Variants in PIGG observed in about 807,000 individuals in gnomAD.
The protein encoded by PIGG is phosphatidylinositol glycan anchor biosynthesis class G (EMM blood group), also known as GPI ethanolamine phosphate transferase 2, catalytic subunit.
In PIGG, 70 loss-of-function variants were observed where a neutral mutation model predicts 83.2. The ratio of observed to expected loss-of-function variants is 0.84; its 90% CI spans 0.69 to 1.03. PIGG has a LOEUF of 1.03. PIGG is among the 50% of genes least tolerant of loss of function. The pLI is 0.00. For synonymous variants in PIGG, 532 were observed against 519.5 expected, an observed-to-expected ratio of 1.02 and a Z score of -0.33; for missense variants, 1,257 against 1,233.6, an observed-to-expected ratio of 1.02 and a Z score of -0.28.
chr4:530,419 G>A lies in PIGG; in HGVS notation c.2262-17G>A, dbSNP rs372883011. 6.3e-7 allele frequency: 1 copy of A among 1,584,344 alleles called. No individual in the cohort carries two copies. The highest frequency in any genetic ancestry group is 8.7e-7 in the Non-Finnish European group (1 of 1,155,846). ...TCACTGGTGCTAATGAATCTAACTT[G>A]TTTTGCTCTTTTTTAGGGGTATTAT... On this transcript the variant is annotated splice_polypyrimidine_tract_variant and intron_variant, in intron 10 of 12. Transcript: ENST00000453061.
chr4:533,677 T>A, intron 11 of PIGG, 141 bp from the exon 12 acceptor site: 1 of 745,088 alleles, frequency 1.3e-6, no homozygotes, highest in Non-Finnish European at 2.2e-6. Context: ...GGCAGCCACC[T>A]CTGACCACAC....
Position 533,881 on chromosome 4 carries a change from G to A in PIGG, c.2635G>A (p.Val879Met), listed in dbSNP as rs780094078. Residue 879 changes from valine (V) to methionine (M), a missense_variant, in exon 12 of 13, where the codon GTG becomes ATG. By Grantham distance (21) the Val-to-Met change is conservative (BLOSUM62 1). Transcript: ENST00000453061. Reference sequence around the variant, plus strand: ...AGGCTTCGTGGGCTTAGACACCTACGTGGAAATCCCAGCCGTGCTCCTGAC... The same window carrying A: ...AGGCTTCGTGGGCTTAGACACCTACATGGAAATCCCAGCCGTGCTCCTGAC... ...SAGFVGLDTY[V>M]EIPAVLLTAF... 36 of 1,614,084 alleles carry A rather than the reference G, an allele frequency of 2.2e-5. 1 individual carries two copies. The South Asian group carries it at 2.6e-4, about 12-fold the overall frequency.
At chr4:534,815 C>T (rs1730029270) in intron 12 of PIGG, among the ~76,000 whole-genome samples, 1 of 152,088 alleles carries the variant, frequency 6.6e-6, no homozygotes, top group Admixed American at 6.5e-5. Flanking sequence ...GGGTGCAGCC[C>T]CCCATCCACA....
chr4:524,497 A>T (rs1386148532), intron 9 of PIGG: 1 of 152,568 alleles, frequency 6.6e-6, no homozygotes, highest in Non-Finnish European at 1.5e-5. Flanking sequence ...TGGCGAGAGC[A>T]GGAGAAAGAG....
At position 508,837 on chromosome 4, in the gene PIGG, G is replaced by A; in HGVS notation, c.768G>A (p.Glu256=). The change falls in exon 5 of 13, where the codon GAG becomes GAA. Residue 256 remains glutamate (E), a synonymous_variant. Transcript: ENST00000453061. ...IHTSLQSKER[E]TPLPNLLVLC... is the part of the protein sequence containing the mutation. ...TTTCCTTTGCCTTAAAGGAGAGAGA[G>A]ACGCCTTTACCCAATTTGCTGGTTC... 1 of 1,614,070 alleles carries A rather than the reference G, an allele frequency of 6.2e-7. No individual in the cohort carries two copies.
Position 530,661 on chromosome 4 carries a change from A to AC in PIGG, c.2487_2488insC (p.Phe830LeufsTer12). On this transcript the variant is annotated frameshift_variant, in exon 11 of 13. Transcript: ENST00000453061. LOFTEE classifies it high-confidence loss of function. ...TCTTGATTCAGACTCTAATGACTAA[A>AC]TTCATCTGGAAGCCCCTGAGACACG... 6.2e-7 allele frequency: 1 copy of AC among 1,613,800 alleles called. No homozygotes were observed. Among genetic ancestry groups the AC allele is most frequent in the African/African-American group, 1.3e-5 (1 of 75,024 alleles).
At chr4:537,956 A>C (rs893326056) in intron 12 of PIGG, among the ~76,000 whole-genome samples, 3 of 152,078 alleles carry the variant, frequency 2.0e-5, no homozygotes, top group Non-Finnish European at 4.4e-5. Flanking sequence ...CTGGGCTGAC[A>C]GGACTGAGGA....
intron 2 of PIGG, among the ~76,000 whole-genome samples, chr4:505,455 C>A (rs1719276736): frequency 2.0e-5 from 2 of 99,388 alleles, no homozygotes; most frequent in Non-Finnish European, 3.7e-5. Context: ...GACCCTGTAT[C>A]TACCAAAAAA....
At chr4:520,411 G>A (rs1241006921) in intron 6 of PIGG, among the ~76,000 whole-genome samples, 2 of 152,236 alleles carry the variant, frequency 1.3e-5, no homozygotes, top group Non-Finnish European at 2.9e-5. Flanking sequence ...AGAGGGGCAG[G>A]GCTCCATCCA....
intron 10 of PIGG, 64 bp from the exon 11 acceptor site, chr4:530,372 G>A (rs1728744627): frequency 1.7e-6 from 2 of 1,210,536 alleles, no homozygotes; most frequent in African/African-American, 1.5e-5. Context: ...GTTTTTCATG[G>A]GAAAATGTTT....
Position 539,335 on chromosome 4 carries a change from C to A in PIGG, c.2918C>A (p.Thr973Lys). ...ACAGCTGCTGTCTGTGTATTCTTCA[C>A]GGCAATGGATCAAACCAGACTCACA... is the stretch of plus-strand genomic sequence containing the variant. Reference protein sequence around the residue: ...LITAAVCVFFTAMDQTRLTQS With the variant: ...LITAAVCVFFKAMDQTRLTQS The change falls in exon 13 of 13, where the codon ACG (threonine) becomes AAG (lysine). Residue 973 changes from threonine (T) to lysine (K), a missense_variant. Coordinates refer to ENST00000453061, the MANE Select transcript of PIGG (RefSeq NM_001127178.3). 1 of 1,612,538 alleles carries A rather than the reference C, an allele frequency of 6.2e-7. No individual in the cohort carries two copies. The highest frequency in any genetic ancestry group is 8.5e-7 in the Non-Finnish European group (1 of 1,178,764).
chr4:516,489 G>T (rs1723896712), intron 6 of PIGG, among the ~76,000 whole-genome samples: 1 of 152,172 alleles, frequency 6.6e-6, no homozygotes, highest in Non-Finnish European at 1.5e-5. Flanking sequence ...ACGAGGCTCT[G>T]CCCTCATGGA....
Position 515,959 on chromosome 4 carries a change from T to C in PIGG, c.902-14T>C. On this transcript the variant is annotated splice_polypyrimidine_tract_variant and intron_variant, in intron 5 of 12. Coordinates refer to ENST00000453061, the MANE Select transcript of PIGG (RefSeq NM_001127178.3). The surrounding 1 kb of genome is among the most constrained non-coding windows in gnomAD (Gnocchi z 4.2). ...TCTAGAAGTCTGTTACTTAAAATGT[T>C]TTCTTTCTTCTAGGTGATATCCGAC... 2 of 1,606,704 alleles carry C rather than the reference T, an allele frequency of 1.2e-6. No homozygotes were observed. The highest frequency in any genetic ancestry group is 1.7e-6 in the Non-Finnish European group (2 of 1,173,298).
In PIGG at chr4:500,449, ATTG is replaced by A; in HGVS notation, c.211_213del (p.Val71del). ...ACCACCTCTCTTCAGTAAAGTTGTT[ATTG>A]TTCTGATAGATGCCTTGAGAGATGA... On this transcript the variant is annotated inframe_deletion, in exon 2 of 13. Coordinates refer to ENST00000453061, the MANE Select transcript of PIGG (RefSeq NM_001127178.3). 1 of 1,614,008 alleles carries A rather than the reference ATTG, an allele frequency of 6.2e-7. No homozygotes were observed.
intron 3 of PIGG, among the ~76,000 whole-genome samples, chr4:506,515 C>T (rs893291094): frequency 6.6e-6 from 1 of 152,242 alleles, no homozygotes; most frequent in Non-Finnish European, 1.5e-5. Context: ...TCCTAGATGG[C>T]TGGGCCTTAT....
intron 6 of PIGG, among the ~76,000 whole-genome samples, 197 bp downstream of exon 6, chr4:516,382 T>C (rs116981380): frequency 6.6e-6 from 1 of 152,362 alleles, no homozygotes; most frequent in East Asian, 1.9e-4. Context: ...GATGCAGTTA[T>C]CTAAAGTTCT....
chr4:523,627 A>C lies in PIGG; in HGVS notation c.1783A>C (p.Arg595=). Residue 595 remains arginine (R), a synonymous_variant, in exon 9 of 13, where the codon AGA becomes CGA. Coordinates refer to ENST00000453061, the MANE Select transcript of PIGG (RefSeq NM_001127178.3). Reference sequence around the variant, plus strand: ...TCTAGCTCTGAGCCAAGAAACCTACAGAAACTACTTTCTGGGAGATGACGG... The same window carrying C: ...TCTAGCTCTGAGCCAAGAAACCTACCGAAACTACTTTCTGGGAGATGACGG... ...LCLALSQETY[R]NYFLGDDGEP... 8 of 1,614,232 alleles carry C rather than the reference A, an allele frequency of 5.0e-6. No homozygotes were observed. The highest frequency in any genetic ancestry group is 6.8e-6 in the Non-Finnish European group (8 of 1,180,038).
In PIGG at chr4:527,528, T is replaced by C. The variant is rs904929520; in HGVS notation, c.2261+298T>C. 6 of 1,135,786 alleles carry C rather than the reference T, an allele frequency of 5.3e-6. No homozygotes were observed. The Admixed American group carries it at 2.6e-4, about 50-fold the overall frequency. The allele number at this position is 1,135,786 out of a possible 1,614,324, so 70.4% of individuals were successfully genotyped here. A position where few individuals can be genotyped will look rare whatever the true frequency, so the allele number is the denominator to read the frequency against. Reference sequence around the variant, plus strand: ...TTTAAAATAAAACCTTCAGGGTGTGTGATGGGACAGACAGATGAGCGTGAA... The same window carrying C: ...TTTAAAATAAAACCTTCAGGGTGTGCGATGGGACAGACAGATGAGCGTGAA... On this transcript the variant is annotated intron_variant, in intron 10 of 12. Coordinates refer to ENST00000453061, the MANE Select transcript of PIGG (RefSeq NM_001127178.3).
chr4:513,055 AG>A (rs1299450250), intron 5 of PIGG, among the ~76,000 whole-genome samples: 3 of 152,090 alleles, frequency 2.0e-5, no homozygotes, highest in Non-Finnish European at 4.4e-5. Flanking sequence ...AGGGGGAGGG[AG>A]GGAGCAGGCC....
Sources: gnomAD v4.1 joint callset for allele counts (sites outside exome capture counted in the v4.1 genomes callset) on GRCh38, gnomAD v4.1.1 for gene constraint, Gnocchi (gnomAD v3.1) non-coding constraint, MANE v1.5 for transcripts, NCBI Gene and HGNC (gene_info 2026-07-23, HGNC 2026-07-21) for gene names.